PTPN14: variants seen among roughly 807,000 people sequenced by gnomAD.
PTPN14 encodes the protein protein tyrosine phosphatase non-receptor type 14.
A neutral mutation model predicts 126.8 loss-of-function variants in PTPN14; 53 were observed. That is an observed-to-expected ratio of 0.42 (90% CI 0.34 to 0.53). The LOEUF is 0.53. PTPN14 is among the 20% of genes least tolerant of loss of function. The pLI is 0.08. For missense variants in PTPN14, 1,257 were observed against 1,552.9 expected, an observed-to-expected ratio of 0.81 and a Z score of 3.20; for synonymous variants, 630 against 599.3, an observed-to-expected ratio of 1.05 and a Z score of -0.75.
At chr1:214,381,181 G>C (rs1249908986) in intron 13 of PTPN14, among the ~76,000 whole-genome samples, 1 of 152,158 alleles carries the variant, frequency 6.6e-6, no homozygotes, top group African/African-American at 2.4e-5. Context: ...TTGGCTACAG[G>C]CTATTTGTTT....
intron 9 of PTPN14, 64 bp from the exon 10 acceptor site, chr1:214,393,841 G>T: frequency 7.5e-7 from 1 of 1,324,606 alleles, no homozygotes; most frequent in South Asian, 1.2e-5. Flanking sequence ...ATTTCATTAA[G>T]ATTCTTCTGA....
chr1:214,526,606 A>G (rs372975392), intron 1 of PTPN14, among the ~76,000 whole-genome samples: 1 of 152,206 alleles, frequency 6.6e-6, no homozygotes, highest in East Asian at 1.9e-4. Flanking sequence ...AACCACAGCA[A>G]TGAAAGGAAC....
rs1374417847 is a variant in PTPN14 at position 214,383,221 on chromosome 1, C to T, written c.2544+90G>A. 1 of 1,446,278 alleles carries T rather than the reference C, an allele frequency of 6.9e-7. No individual in the cohort carries two copies. Among genetic ancestry groups the T allele is most frequent in the Non-Finnish European group, 9.4e-7 (1 of 1,068,250 alleles). 89.6% of individuals were successfully genotyped at this position (1,446,278 alleles called of 1,614,324 possible). ...GCTCAATGATTCCTTAAAAACCTAC[C>T]ACGTTCCCTGCATAAGCCCTGCCCC... On this transcript the variant is annotated intron_variant, in intron 13 of 18. Transcript: ENST00000366956. This position sits in a 1 kb window ranked among gnomAD's most constrained non-coding sequence, Gnocchi z 4.4.
chr1:214,495,570 G>A (rs1376830326), intron 1 of PTPN14, among the ~76,000 whole-genome samples: 1 of 152,128 alleles, frequency 6.6e-6, no homozygotes, highest in Non-Finnish European at 1.5e-5. Context: ...TCCACTCCAG[G>A]AGAAAAGGTA....
At chr1:214,422,538 T>G (rs1659566023) in intron 3 of PTPN14, among the ~76,000 whole-genome samples, 1 of 152,216 alleles carries the variant, frequency 6.6e-6, no homozygotes, top group Non-Finnish European at 1.5e-5. Flanking sequence ...TTCATAATAT[T>G]ACCTACAACT....
chr1:214,438,748 G>A (rs1046252137), intron 3 of PTPN14, among the ~76,000 whole-genome samples: 1 of 152,126 alleles, frequency 6.6e-6, no homozygotes, highest in African/African-American at 2.4e-5. Context: ...TGGTTAGTGT[G>A]GGTCACAGAG....
intron 1 of PTPN14, chr1:214,532,481 C>T: frequency 1.2e-6 from 1 of 861,274 alleles, no homozygotes; most frequent in Non-Finnish European, 2.0e-6. Flanking sequence ...GACTGAGGAG[C>T]CTGGAGATCG....
At chr1:214,505,156 A>C (rs1654806036) in intron 1 of PTPN14, among the ~76,000 whole-genome samples, 1 of 150,952 alleles carries the variant, frequency 6.6e-6, no homozygotes, top group South Asian at 2.1e-4. Context: ...TCATGTGAAC[A>C]AACCCAGCTG....
At chr1:214,535,796 T>C (rs578149047) in intron 1 of PTPN14, among the ~76,000 whole-genome samples, 1 of 146,994 alleles carries the variant, frequency 6.8e-6, no homozygotes, top group Non-Finnish European at 1.5e-5. Context: ...AAAAAAAGGA[T>C]TTGCTGAGAT....
At position 214,409,228 on chromosome 1, in the gene PTPN14, C is replaced by A. The variant is rs568430080; in HGVS notation, c.510+2456G>T. ...CTTTGTACCCTTTGATCAACATTTCCTCCTTCCACCCAGCACTCAGCTTTG... is the reference window on the plus strand; with the variant it reads ...CTTTGTACCCTTTGATCAACATTTCATCCTTCCACCCAGCACTCAGCTTTG... On this transcript the variant is annotated intron_variant, in intron 5 of 18. Transcript: ENST00000366956. 2.6e-5 allele frequency among the ~76,000 whole-genome samples: 4 copies of A among 152,360 alleles called. No homozygotes were observed. In the East Asian group the frequency reaches 7.7e-4, roughly 29 times the overall value.
chr1:214,427,910 G>A (rs1659704448), intron 3 of PTPN14, among the ~76,000 whole-genome samples: 1 of 152,210 alleles, frequency 6.6e-6, no homozygotes, highest in Admixed American at 6.5e-5. Flanking sequence ...GAATGTTCAA[G>A]AGGTCAATGT....
At chr1:214,405,311 A>G (rs531973472) in intron 5 of PTPN14, among the ~76,000 whole-genome samples, 1 of 152,174 alleles carries the variant, frequency 6.6e-6, no homozygotes, top group South Asian at 2.1e-4. Flanking sequence ...TTTCTTACAC[A>G]GTTATGTGTA....
At chr1:214,470,548 C>T (rs557187904) in intron 1 of PTPN14, among the ~76,000 whole-genome samples, 5 of 151,898 alleles carry the variant, frequency 3.3e-5, no homozygotes, top group African/African-American at 4.8e-5. Flanking sequence ...TTTTGGAGGC[C>T]GGGGCGAGTG....
chr1:214,543,889 G>C (rs1487253806), intron 1 of PTPN14, among the ~76,000 whole-genome samples: 2 of 152,082 alleles, frequency 1.3e-5, no homozygotes, highest in African/African-American at 4.8e-5. Flanking sequence ...AAAATCCTGG[G>C]ATTACAGGCG....
intron 3 of PTPN14, among the ~76,000 whole-genome samples, chr1:214,442,539 G>A (rs1375047919): frequency 3.9e-5 from 6 of 152,208 alleles, no homozygotes; most frequent in East Asian, 1.9e-4. Context: ...TTTGAAATAC[G>A]AATAATGCCT....
At chr1:214,430,158 CCT>C (rs749404979) in intron 3 of PTPN14, among the ~76,000 whole-genome samples, 4 of 152,188 alleles carry the variant, frequency 2.6e-5, no homozygotes, top group Non-Finnish European at 4.4e-5. Flanking sequence ...ATTTTCCTCC[CCT>C]CTTACATAAT....
At chr1:214,411,950 C>T (rs1659319412) in intron 4 of PTPN14, among the ~76,000 whole-genome samples, 199 bp from the exon 5 acceptor site, 1 of 152,116 alleles carries the variant, frequency 6.6e-6, no homozygotes, top group South Asian at 2.1e-4. Flanking sequence ...GTAAGCACCA[C>T]TACATGAATT....
At chr1:214,527,326 C>T (rs1238690554) in intron 1 of PTPN14, among the ~76,000 whole-genome samples, 1 of 152,090 alleles carries the variant, frequency 6.6e-6, no homozygotes, top group African/African-American at 2.4e-5. Flanking sequence ...CTTATGCATT[C>T]GATCAGGAGT....
At chr1:214,543,899 G>A (rs929972179) in intron 1 of PTPN14, among the ~76,000 whole-genome samples, 2 of 152,148 alleles carry the variant, frequency 1.3e-5, no homozygotes, top group African/African-American at 2.4e-5. Context: ...GATTACAGGC[G>A]TGAGCCACTG....
Sources: gnomAD v4.1 joint callset for allele counts (sites outside exome capture counted in the v4.1 genomes callset) on GRCh38, gnomAD v4.1.1 for gene constraint, Gnocchi (gnomAD v3.1) non-coding constraint, MANE v1.5 for transcripts, NCBI Gene and HGNC (gene_info 2026-07-23, HGNC 2026-07-21) for gene names.